The following ADAMTS17 variants were observed in gnomAD, a reference collection of about 807,000 sequenced individuals.
ADAMTS17 encodes A disintegrin and metalloproteinase with thrombospondin motifs 17.
ADAMTS17 carries 113 observed loss-of-function variants against 141.5 expected under a neutral mutation model. The observed-to-expected ratio is 0.80, with a 90% CI of 0.69 to 0.93. ADAMTS17 has a LOEUF of 0.93. Among genes scored for constraint, ADAMTS17 ranks in the 40% least tolerant of loss-of-function variants. ADAMTS17 has a pLI of 0.00. For synonymous variants in ADAMTS17, 768 were observed against 630.6 expected, an observed-to-expected ratio of 1.22 and a Z score of -3.27; for missense variants, 1,659 against 1,517.9, an observed-to-expected ratio of 1.09 and a Z score of -1.54.
At chr15:100,225,530 C>T (rs2042270304) in intron 7 of ADAMTS17, among the ~76,000 whole-genome samples, 1 of 151,420 alleles carries the variant, frequency 6.6e-6, no homozygotes, top group East Asian at 1.9e-4. Context: ...GCCTCTGTGC[C>T]ATGCAGTCCT....
intron 7 of ADAMTS17, among the ~76,000 whole-genome samples, chr15:100,212,752 C>T (rs890345490): frequency 1.4e-5 from 2 of 146,258 alleles, no homozygotes; most frequent in African/African-American, 2.5e-5. Context: ...CTCAACTAAC[C>T]GACACATAGA....
intron 8 of ADAMTS17, among the ~76,000 whole-genome samples, chr15:100,183,309 A>G (rs533502335): frequency 1.3e-5 from 2 of 152,144 alleles, no homozygotes; most frequent in African/African-American, 2.4e-5. Context: ...ATACAAGCTT[A>G]TATCTTCCAC....
At chr15:100,261,978 A>G (rs1596386768) in intron 5 of ADAMTS17, among the ~76,000 whole-genome samples, 1 of 152,212 alleles carries the variant, frequency 6.6e-6, no homozygotes, top group Non-Finnish European at 1.5e-5. Context: ...AAGGCGCTCC[A>G]TTGAAAGACC....
At chr15:100,055,983 C>T (rs374140049) in intron 15 of ADAMTS17, among the ~76,000 whole-genome samples, 78 of 152,344 alleles carry the variant, frequency 5.1e-4, no homozygotes, top group Middle Eastern at 3.4e-3. Context: ...ACTCTGACAA[C>T]TTTCAATTCC....
At chr15:100,232,860 G>C (rs1482413310) in intron 7 of ADAMTS17, among the ~76,000 whole-genome samples, 1 of 152,188 alleles carries the variant, frequency 6.6e-6, no homozygotes, top group Non-Finnish European at 1.5e-5. Context: ...TTCCACTGCA[G>C]CAGGTCTCAC....
At chr15:100,209,113 C>CAAAAAAAAAAAAA (rs60742726) in intron 7 of ADAMTS17, among the ~76,000 whole-genome samples, 5 of 96,942 alleles carry the variant, frequency 5.2e-5, no homozygotes, top group Admixed American at 1.1e-4. Context: ...GCCAAGTTAG[C>CAAAAAAAAAAAAA]AAAAAAAAAA....
chr15:100,150,987 C>T (rs1383617212), intron 10 of ADAMTS17, among the ~76,000 whole-genome samples: 1 of 152,270 alleles, frequency 6.6e-6, no homozygotes, highest in East Asian at 1.9e-4. Context: ...TTGGCAGGCA[C>T]TGTGCGTGTG....
At chr15:100,217,602 A>T (rs2141760227) in intron 7 of ADAMTS17, among the ~76,000 whole-genome samples, 1 of 152,324 alleles carries the variant, frequency 6.6e-6, no homozygotes, top group African/African-American at 2.4e-5. Flanking sequence ...TCTTCTCAAA[A>T]ACAAACAAAA....
chr15:100,034,754 C>A (rs1373044481), intron 18 of ADAMTS17, among the ~76,000 whole-genome samples: 2 of 152,198 alleles, frequency 1.3e-5, no homozygotes, highest in Non-Finnish European at 2.9e-5. Context: ...ATCCTGCTCC[C>A]TCGTGTGCCC....
At chr15:100,133,139 G>A (rs2038141401) in intron 11 of ADAMTS17, 75 bp downstream of exon 11, 4 of 1,371,474 alleles carry the variant, frequency 2.9e-6, no homozygotes, top group African/African-American at 1.4e-5. Flanking sequence ...AGTACAGATT[G>A]TGTGTCAGAA....
At chr15:100,055,632 C>T (rs908313581) in intron 15 of ADAMTS17, among the ~76,000 whole-genome samples, 6 of 152,132 alleles carry the variant, frequency 3.9e-5, no homozygotes, top group Non-Finnish European at 5.9e-5. Context: ...GAAAGCCCTG[C>T]CACTTGGAGC....
At chr15:100,038,619 CTTAA>C (rs1362258231) in intron 18 of ADAMTS17, among the ~76,000 whole-genome samples, 3 of 152,136 alleles carry the variant, frequency 2.0e-5, no homozygotes, top group Non-Finnish European at 2.9e-5. Context: ...CTTAATTTCA[CTTAA>C]TTGATACTAT....
intron 7 of ADAMTS17, among the ~76,000 whole-genome samples, chr15:100,226,000 C>A (rs778622315): frequency 7.0e-6 from 1 of 143,548 alleles, no homozygotes; most frequent in East Asian, 2.1e-4. Context: ...GCAGTCATAG[C>A]CTCTGTGCCA....
At chr15:100,144,371 A>G (rs1020331657) in intron 10 of ADAMTS17, among the ~76,000 whole-genome samples, 3 of 152,058 alleles carry the variant, frequency 2.0e-5, no homozygotes, top group Non-Finnish European at 4.4e-5. Context: ...CCAACATGGC[A>G]AAACCCTGTC....
At chr15:100,148,290 T>C (rs2039002729) in intron 10 of ADAMTS17, among the ~76,000 whole-genome samples, 1 of 152,272 alleles carries the variant, frequency 6.6e-6, no homozygotes, top group African/African-American at 2.4e-5. Context: ...ACTTTGAGTG[T>C]ATCTAAATCT....
At chr15:100,166,948 G>T (rs1468640481) in intron 8 of ADAMTS17, among the ~76,000 whole-genome samples, 1 of 152,216 alleles carries the variant, frequency 6.6e-6, no homozygotes. Context: ...AAATCAGCAG[G>T]CTATTGGTAT....
At chr15:100,136,948 C>A (rs1185416521) in intron 10 of ADAMTS17, among the ~76,000 whole-genome samples, 2 of 152,214 alleles carry the variant, frequency 1.3e-5, no homozygotes, top group African/African-American at 4.8e-5. Flanking sequence ...CAGCCTCTCT[C>A]TACAGGCACT....
At chr15:100,040,828 T>A (rs1160043022) in intron 18 of ADAMTS17, among the ~76,000 whole-genome samples, 1 of 152,202 alleles carries the variant, frequency 6.6e-6, no homozygotes, top group Non-Finnish European at 1.5e-5. Context: ...AGTTCCAGCA[T>A]CTTGGCAATC....
intron 18 of ADAMTS17, among the ~76,000 whole-genome samples, chr15:100,047,826 A>G (rs1567085503): frequency 6.6e-6 from 1 of 152,144 alleles, no homozygotes; most frequent in Non-Finnish European, 1.5e-5. Context: ...ACTGATCGAT[A>G]GGTTCGTGGT....
Sources: allele counts gnomAD v4.1 joint callset (sites outside exome capture counted in the v4.1 genomes callset), GRCh38; gene constraint gnomAD v4.1.1; transcripts MANE v1.5; gene names NCBI Gene and HGNC (gene_info 2026-07-23, HGNC 2026-07-21).